The following PHACTR4 variants were observed in gnomAD, a reference collection of about 807,000 sequenced individuals.
PHACTR4 encodes protein phosphatase 1, regulatory subunit 124.
Under a neutral mutation model 72.7 loss-of-function variants are expected in PHACTR4, and 51 were observed. That is an observed-to-expected ratio of 0.70 (90% CI 0.56 to 0.89). PHACTR4 has a LOEUF of 0.89. Among genes scored for constraint, PHACTR4 ranks in the 40% least tolerant of loss-of-function variants. PHACTR4 has a pLI of 0.00. For synonymous variants in PHACTR4, 255 were observed against 302.5 expected, an observed-to-expected ratio of 0.84 and a Z score of 1.63; for missense variants, 731 against 861.8, an observed-to-expected ratio of 0.85 and a Z score of 1.90.
chr1:28,492,675 G>T (rs186640029), intron 12 of PHACTR4, among the ~76,000 whole-genome samples: 2 of 151,906 alleles, frequency 1.3e-5, no homozygotes, highest in African/African-American at 4.8e-5. Context: ...CAGGAGAATC[G>T]CCTGAACCCA....
intron 2 of PHACTR4, among the ~76,000 whole-genome samples, chr1:28,408,362 C>A (rs1654513633): frequency 1.3e-5 from 2 of 152,070 alleles, no homozygotes; most frequent in South Asian, 2.1e-4. Flanking sequence ...GAGTTTGAGA[C>A]CAGCCTGGCT....
intron 1 of PHACTR4, 38 bp from the exon 2 acceptor site, chr1:28,407,372 A>G: frequency 9.0e-7 from 1 of 1,108,082 alleles, no homozygotes; most frequent in Non-Finnish European, 1.3e-6. Flanking sequence ...GATGGACTAT[A>G]TGTATTAAGT....
At chr1:28,487,103 A>G (rs967731807) in intron 9 of PHACTR4, among the ~76,000 whole-genome samples, 11 of 152,270 alleles carry the variant, frequency 7.2e-5, no homozygotes, top group African/African-American at 2.6e-4. Context: ...ACAGTGGCTC[A>G]CGCCTGTAAT....
At chr1:28,423,601 A>G (rs1192486522) in intron 2 of PHACTR4, among the ~76,000 whole-genome samples, 1 of 152,120 alleles carries the variant, frequency 6.6e-6, no homozygotes, top group East Asian at 1.9e-4. Flanking sequence ...TTTTTGTTGT[A>G]TATGTAGGTT....
intron 2 of PHACTR4, among the ~76,000 whole-genome samples, chr1:28,415,002 C>G (rs1001600477): frequency 6.6e-6 from 1 of 151,994 alleles, no homozygotes; most frequent in Non-Finnish European, 1.5e-5. Flanking sequence ...GGCTCACCCC[C>G]GTAATCCTAG....
chr1:28,487,892 C>T (rs1045661391), intron 9 of PHACTR4, among the ~76,000 whole-genome samples: 1 of 151,762 alleles, frequency 6.6e-6, no homozygotes, highest in Non-Finnish European at 1.5e-5. Context: ...CACGCCACAA[C>T]ATCCGGCTAA....
chr1:28,399,586 T>C (rs1310677843), intron 1 of PHACTR4, among the ~76,000 whole-genome samples: 1 of 152,192 alleles, frequency 6.6e-6, no homozygotes, highest in African/African-American at 2.4e-5. Context: ...AGTGTTCATT[T>C]ATTTATTCAG....
intron 2 of PHACTR4, among the ~76,000 whole-genome samples, chr1:28,412,730 G>T (rs1654866113): frequency 6.6e-6 from 1 of 152,156 alleles, no homozygotes; most frequent in Non-Finnish European, 1.5e-5. Context: ...CTTCTGAAAG[G>T]ATCTCAGGGA....
At chr1:28,437,463 T>G (rs187195395) in intron 2 of PHACTR4, among the ~76,000 whole-genome samples, 70 of 152,212 alleles carry the variant, frequency 4.6e-4, no homozygotes, top group African/African-American at 1.5e-3. Context: ...CTCTTGGGCT[T>G]AAGTAATCCT....
intron 1 of PHACTR4, among the ~76,000 whole-genome samples, chr1:28,395,328 A>G (rs560273714): frequency 7.2e-4 from 109 of 152,260 alleles, no homozygotes; most frequent in African/African-American, 2.4e-3. Context: ...ATGATCAGTG[A>G]TGATGATGAA....
intron 9 of PHACTR4, among the ~76,000 whole-genome samples, chr1:28,481,100 T>C (rs1660252289): frequency 6.6e-6 from 1 of 152,026 alleles, no homozygotes; most frequent in Admixed American, 6.6e-5. Context: ...GGTTCAATCA[T>C]GGCTCACCAC....
At chr1:28,442,023 C>T (rs1244191309) in intron 2 of PHACTR4, among the ~76,000 whole-genome samples, 2 of 152,014 alleles carry the variant, frequency 1.3e-5, no homozygotes, top group East Asian at 3.9e-4. Context: ...TCAAATCCTA[C>T]TTTGTAGTTC....
chr1:28,405,689 G>A (rs906575667), intron 1 of PHACTR4, among the ~76,000 whole-genome samples: 5 of 151,284 alleles, frequency 3.3e-5, no homozygotes, highest in African/African-American at 9.7e-5. Context: ...TTAGGAGTTC[G>A]AGACCAGCCT....
In PHACTR4 at chr1:28,496,696, A is replaced by G. The variant is rs1270689521; in HGVS notation, c.*147A>G. 1.1e-6 allele frequency: 1 copy of G among 901,030 alleles called. No individual in the cohort carries two copies. The highest frequency in any genetic ancestry group is 1.8e-6 in the Non-Finnish European group (1 of 556,974). 55.8% of individuals were successfully genotyped at this position (901,030 alleles called of 1,614,324 possible). On this transcript the variant is annotated 3_prime_UTR_variant, in exon 14 of 14. Transcript: ENST00000373839. ...AGGTGGACAGCACTTTGAATGTAGC[A>G]TTTCACTGGAACAGAGTCTTATGTG...
intron 1 of PHACTR4, among the ~76,000 whole-genome samples, chr1:28,394,888 G>A (rs956878331): frequency 4.0e-5 from 6 of 149,778 alleles, no homozygotes; most frequent in African/African-American, 7.4e-5. Context: ...GAGCCACCAT[G>A]CCTGGACCTG....
intron 2 of PHACTR4, among the ~76,000 whole-genome samples, chr1:28,455,842 G>A (rs538103144): frequency 6.6e-6 from 1 of 152,290 alleles, no homozygotes; most frequent in South Asian, 2.1e-4. Context: ...GTGAATTTGA[G>A]ATAACTGAGT....
intron 4 of PHACTR4, 145 bp from the exon 5 acceptor site, chr1:28,465,540 C>T (rs533796990): frequency 3.6e-5 from 27 of 742,160 alleles, no homozygotes; most frequent in African/African-American, 5.3e-5. Flanking sequence ...TGCTTGAGCC[C>T]AGGAGTTCAA....
At chr1:28,399,446 CATTG>C (rs1233878815) in intron 1 of PHACTR4, among the ~76,000 whole-genome samples, 4 of 152,162 alleles carry the variant, frequency 2.6e-5, no homozygotes, top group African/African-American at 9.7e-5. Flanking sequence ...TCGGTATTCA[CATTG>C]CCAGGAAACT....
chr1:28,424,802 G>GT (rs573613418), intron 2 of PHACTR4, among the ~76,000 whole-genome samples: 1,607 of 147,428 alleles, frequency 0.011, 27 homozygotes, highest in African/African-American at 0.037. Context: ...TTTTTGTTGT[G>GT]TTTTTTTTTG....
Sources: allele counts gnomAD v4.1 joint callset (sites outside exome capture counted in the v4.1 genomes callset), GRCh38; gene constraint gnomAD v4.1.1; transcripts MANE v1.5; gene names NCBI Gene and HGNC (gene_info 2026-07-23, HGNC 2026-07-21).